Variants in SLC41A2 observed in about 807,000 individuals in gnomAD.
SLC41A2 encodes solute carrier family 41 member 2.
In SLC41A2, 32 loss-of-function variants were observed where a neutral mutation model predicts 58.3. That is an observed-to-expected ratio of 0.55 (90% CI 0.41 to 0.74). The LOEUF (loss-of-function observed/expected upper bound fraction) is 0.74, where lower values mean the gene tolerates loss of function less well. Ranked by LOEUF, SLC41A2 falls within the 30% of genes least tolerant of loss-of-function variation. The pLI is 0.00. For missense variants in SLC41A2, 514 were observed against 680.6 expected, an observed-to-expected ratio of 0.76 and a Z score of 2.72; for synonymous variants, 190 against 235.0, an observed-to-expected ratio of 0.81 and a Z score of 1.75.
chr12:104,891,515 T>TTA (rs887898031), intron 4 of SLC41A2, among the ~76,000 whole-genome samples: 1 of 148,380 alleles, frequency 6.7e-6, no homozygotes, highest in Non-Finnish European at 1.5e-5. Context: ...TATATATTAT[T>TTA]TATATATATA....
Position 104,844,630 on chromosome 12 carries a change from A to G in SLC41A2, c.1388-10T>C, listed in dbSNP as rs185707416. Reference sequence around the variant, plus strand: ...GACTTATTATTTACTCCTGTAATATAAAATGTAAAAGTAATTAAAACAAAA... The same window carrying G: ...GACTTATTATTTACTCCTGTAATATGAAATGTAAAAGTAATTAAAACAAAA... On this transcript the variant is annotated splice_polypyrimidine_tract_variant and intron_variant, in intron 9 of 10. Transcript: ENST00000258538. The G allele has an allele frequency of 1.7e-5, 25 of 1,463,014 alleles. No individual in the cohort carries two copies. The East Asian group carries it at 3.2e-4, about 19-fold the overall frequency. The allele number at this position is 1,463,014 out of a possible 1,614,324, so 90.6% of individuals were successfully genotyped here. A position where few individuals can be genotyped will look rare whatever the true frequency, so the allele number is the denominator to read the frequency against.
intron 1 of SLC41A2, among the ~76,000 whole-genome samples, chr12:104,953,907 G>A (rs935558235): frequency 1.3e-5 from 2 of 152,108 alleles, no homozygotes; most frequent in Non-Finnish European, 2.9e-5. Flanking sequence ...GCAGCAAGGT[G>A]GGGCAAAAGG....
chr12:104,892,881 C>T (rs2045085211), intron 4 of SLC41A2, among the ~76,000 whole-genome samples: 1 of 152,200 alleles, frequency 6.6e-6, no homozygotes, highest in South Asian at 2.1e-4. Flanking sequence ...AATCTAAGAC[C>T]TCAAACTATA....
intron 8 of SLC41A2, among the ~76,000 whole-genome samples, chr12:104,851,392 T>C (rs1375526511): frequency 6.6e-6 from 1 of 152,106 alleles, no homozygotes; most frequent in Non-Finnish European, 1.5e-5. Flanking sequence ...TTCATTTATT[T>C]TTATTTTTAG....
At chr12:104,956,041 T>C (rs910249488) in intron 1 of SLC41A2, among the ~76,000 whole-genome samples, 3 of 152,234 alleles carry the variant, frequency 2.0e-5, no homozygotes, top group African/African-American at 4.8e-5. Context: ...GCCACTAATA[T>C]AAATTTTTTG....
chr12:104,845,834 A>T lies in SLC41A2; in HGVS notation c.1387+9T>A. ...GATCTAAAATATGCAAAAATCCATA[A>T]GCACATACCTGGACCAAAGAAAGTT... On this transcript the variant is annotated intron_variant, in intron 9 of 10. Coordinates refer to ENST00000258538, the MANE Select transcript of SLC41A2 (RefSeq NM_001352171.3). 6.3e-7 allele frequency: 1 copy of T among 1,597,556 alleles called. No homozygotes were observed. The highest frequency in any genetic ancestry group is 2.2e-5 in the East Asian group (1 of 44,592).
intron 10 of SLC41A2, among the ~76,000 whole-genome samples, chr12:104,842,735 T>C (rs2042459048): frequency 1.3e-5 from 2 of 152,080 alleles, no homozygotes; most frequent in African/African-American, 4.8e-5. Flanking sequence ...AAAAGGCATG[T>C]AGGTACACAG....
intron 8 of SLC41A2, 80 bp from the exon 9 acceptor site, chr12:104,846,054 C>A: frequency 7.0e-7 from 1 of 1,427,472 alleles, no homozygotes; most frequent in Non-Finnish European, 9.6e-7. Context: ...CAAGCCTCTT[C>A]GTGTAACATT....
intron 2 of SLC41A2, among the ~76,000 whole-genome samples, chr12:104,927,290 T>C (rs1211540381): frequency 6.6e-6 from 1 of 152,138 alleles, no homozygotes; most frequent in African/African-American, 2.4e-5. Flanking sequence ...CTTATAAGGA[T>C]AGTTATTACA....
chr12:104,816,857 C>T (rs891722735), intron 10 of SLC41A2, among the ~76,000 whole-genome samples: 2 of 152,164 alleles, frequency 1.3e-5, no homozygotes, highest in East Asian at 3.8e-4. Flanking sequence ...CAGGACCCCC[C>T]TCCCGCAAGG....
intron 7 of SLC41A2, 70 bp from the exon 8 acceptor site, chr12:104,861,440 C>T (rs1217695253): frequency 1.2e-6 from 1 of 840,100 alleles, no homozygotes; most frequent in African/African-American, 1.7e-5. Context: ...TCTGTACATA[C>T]AGACACCCCT....
At chr12:104,952,544 C>A (rs1006134866) in intron 1 of SLC41A2, among the ~76,000 whole-genome samples, 1 of 151,962 alleles carries the variant, frequency 6.6e-6, no homozygotes, top group Admixed American at 6.6e-5. Flanking sequence ...CTAATCAGGC[C>A]CCGATTAGAA....
chr12:104,859,722 TTACATATA>T (rs1367356827), intron 8 of SLC41A2, among the ~76,000 whole-genome samples: 5 of 152,156 alleles, frequency 3.3e-5, no homozygotes, highest in African/African-American at 7.2e-5. Flanking sequence ...TATATATTTT[TTACATATA>T]TACATATATA....
chr12:104,822,050 C>T (rs1322363454), intron 10 of SLC41A2, among the ~76,000 whole-genome samples: 1 of 151,952 alleles, frequency 6.6e-6, no homozygotes, highest in African/African-American at 2.4e-5. Context: ...CAGCTAATGT[C>T]ACTTGATATT....
intron 2 of SLC41A2, among the ~76,000 whole-genome samples, chr12:104,925,641 A>G (rs2046807390): frequency 6.6e-6 from 1 of 152,200 alleles, no homozygotes; most frequent in African/African-American, 2.4e-5. Flanking sequence ...TAGGGCTAGC[A>G]CTGTAAAAGT....
chr12:104,817,335 G>C (rs980288615), intron 10 of SLC41A2, among the ~76,000 whole-genome samples: 2 of 152,042 alleles, frequency 1.3e-5, no homozygotes, highest in South Asian at 4.1e-4. Context: ...TGAAGGCCTG[G>C]GACATTACTA....
At chr12:104,915,803 T>C (rs190131570) in intron 2 of SLC41A2, among the ~76,000 whole-genome samples, 1,890 of 152,278 alleles carry the variant, frequency 0.012, 51 homozygotes, top group African/African-American at 0.044. Flanking sequence ...CTTCCAACAC[T>C]ATGTTGAATA....
chr12:104,898,787 A>G (rs957710747), intron 3 of SLC41A2, among the ~76,000 whole-genome samples: 1 of 152,154 alleles, frequency 6.6e-6, no homozygotes, highest in Non-Finnish European at 1.5e-5. Flanking sequence ...AAAACTCAAC[A>G]ATAACAAACA....
At chr12:104,918,363 A>C (rs573379567) in intron 2 of SLC41A2, among the ~76,000 whole-genome samples, 1 of 152,254 alleles carries the variant, frequency 6.6e-6, no homozygotes, top group South Asian at 2.1e-4. Flanking sequence ...ATCATTGTTC[A>C]TAACAGCCAA....
Sources: gnomAD v4.1 joint callset for allele counts (sites outside exome capture counted in the v4.1 genomes callset) on GRCh38, gnomAD v4.1.1 for gene constraint, MANE v1.5 for transcripts, NCBI Gene and HGNC (gene_info 2026-07-23, HGNC 2026-07-21) for gene names.